SH3PXD2A: variants seen among roughly 807,000 people sequenced by gnomAD.
SH3PXD2A encodes SH3 and PX domains 2A, also known as SH3 and PX domain-containing protein 2A.
In SH3PXD2A, 32 loss-of-function variants were observed where a neutral mutation model predicts 115.2. The ratio of observed to expected loss-of-function variants is 0.28; its 90% confidence interval spans 0.21 to 0.37. The LOEUF (loss-of-function observed/expected upper bound fraction) is 0.37, where lower values mean the gene tolerates loss of function less well. SH3PXD2A is among the 10% of genes least tolerant of loss of function. The pLI is 1.00. For missense variants in SH3PXD2A, 1,328 were observed against 1,498.7 expected (o/e 0.89, Z 1.88); for synonymous variants, 610 against 629.1 (o/e 0.97, Z 0.45).
chr10:103,657,931 A>G (rs2037234682), intron 8 of SH3PXD2A, among the ~76,000 whole-genome samples: 1 of 152,158 alleles, frequency 6.6e-6, no homozygotes, highest in Admixed American at 6.5e-5. Context: ...GGATGGGCCC[A>G]TTCTCAGCCT....
At chr10:103,688,502 C>G (rs1165602524) in intron 6 of SH3PXD2A, among the ~76,000 whole-genome samples, 2 of 152,160 alleles carry the variant, frequency 1.3e-5, no homozygotes, top group Non-Finnish European at 2.9e-5. Flanking sequence ...CTGGACAGTG[C>G]AGGATCAGGC....
At chr10:103,854,506 G>A (rs950475699) in intron 1 of SH3PXD2A, among the ~76,000 whole-genome samples, 4 of 152,028 alleles carry the variant, frequency 2.6e-5, no homozygotes, top group African/African-American at 9.7e-5. Flanking sequence ...GCGGTTCCTC[G>A]GAGACCACAG....
At chr10:103,709,127 T>C (rs1171805943) in intron 5 of SH3PXD2A, among the ~76,000 whole-genome samples, 1 of 152,044 alleles carries the variant, frequency 6.6e-6, no homozygotes, top group African/African-American at 2.4e-5. Flanking sequence ...CCCTTCTCCC[T>C]GTCCATCAGC....
Position 103,828,491 on chromosome 10 carries a change from G to A in SH3PXD2A, c.72+26704C>T, listed in dbSNP as rs375027501. Among the ~76,000 whole-genome samples the A allele has an allele frequency of 1.9e-4, 29 of 152,178 alleles. 1 individual carries two copies. Among genetic ancestry groups the A allele is most frequent in the African/African-American group, 6.8e-4 (28 of 41,448 alleles). ...TTAATTAAAACAAGTTGACTCCTGG[G>A]TCTCCTTCCATGAAAGTCAGGCTGC... On this transcript the variant is annotated intron_variant, in intron 1 of 14. Transcript: ENST00000369774.
chr10:103,849,278 C>T (rs1040371156), intron 1 of SH3PXD2A, among the ~76,000 whole-genome samples: 2 of 152,238 alleles, frequency 1.3e-5, no homozygotes, highest in East Asian at 1.9e-4. Context: ...TAGAATGATA[C>T]GAACCCTCCG....
intron 8 of SH3PXD2A, among the ~76,000 whole-genome samples, chr10:103,633,433 C>CA (rs1489850202): frequency 1.6e-4 from 24 of 150,884 alleles, no homozygotes; most frequent in Non-Finnish European, 1.5e-5. Flanking sequence ...AAAACAAAAA[C>CA]AAAAAAACGC....
chr10:103,700,419 G>A (rs1432770047), intron 5 of SH3PXD2A, among the ~76,000 whole-genome samples: 1 of 152,166 alleles, frequency 6.6e-6, no homozygotes, highest in African/African-American at 2.4e-5. Flanking sequence ...CTAGGAGTGT[G>A]GATGGTGGCC....
chr10:103,628,647 C>T (rs372864989), intron 8 of SH3PXD2A, among the ~76,000 whole-genome samples: 8 of 152,100 alleles, frequency 5.3e-5, no homozygotes, highest in African/African-American at 9.7e-5. Context: ...GGAGAACCCC[C>T]GGTCAGGCCC....
At chr10:103,636,828 GC>G (rs1432586073) in intron 8 of SH3PXD2A, among the ~76,000 whole-genome samples, 1 of 152,070 alleles carries the variant, frequency 6.6e-6, no homozygotes, top group Non-Finnish European at 1.5e-5. Context: ...AAACCTCCCA[GC>G]CCTGTTCAGC....
At chr10:103,626,123 G>A (rs571089415) in intron 9 of SH3PXD2A, among the ~76,000 whole-genome samples, 26 of 152,392 alleles carry the variant, frequency 1.7e-4, no homozygotes, top group African/African-American at 6.3e-4. Flanking sequence ...CACAGTGGAA[G>A]CACATGGCAG....
chr10:103,687,161 G>T (rs557179933), intron 6 of SH3PXD2A, among the ~76,000 whole-genome samples: 5 of 152,196 alleles, frequency 3.3e-5, no homozygotes, highest in Non-Finnish European at 7.4e-5. Context: ...CTTCAGCAGA[G>T]TGAAGGTTTC....
At chr10:103,767,816 T>TTTG (rs1564884182) in intron 2 of SH3PXD2A, among the ~76,000 whole-genome samples, 4 of 148,376 alleles carry the variant, frequency 2.7e-5, no homozygotes, top group African/African-American at 7.5e-5. Flanking sequence ...TTTTGTTTTT[T>TTTG]TTTTTTTTTT....
chr10:103,770,170 T>A (rs906538715), intron 2 of SH3PXD2A, among the ~76,000 whole-genome samples: 3 of 152,230 alleles, frequency 2.0e-5, no homozygotes, highest in African/African-American at 7.2e-5. Context: ...TCACACTATA[T>A]AATGAACATT....
chr10:103,615,503 T>TGTGTGTGTGC (rs2036502212), intron 11 of SH3PXD2A, among the ~76,000 whole-genome samples: 1 of 91,142 alleles, frequency 1.1e-5, no homozygotes, highest in African/African-American at 3.0e-5. Context: ...TGTGTGTGTG[T>TGTGTGTGTGC]GTGTGTGTGT....
In SH3PXD2A at chr10:103,665,896, G is replaced by C. The variant is rs1390880497; in HGVS notation, c.472+2712C>G. On this transcript the variant is annotated intron_variant, in intron 7 of 14. Transcript: ENST00000369774. This position sits in a 1 kb window ranked among gnomAD's most constrained non-coding sequence, Gnocchi z 4.0. Reference sequence around the variant, plus strand: ...AGCAGAGCCTCTCCTGGGTTGGAAGGGGCCTTTGCATGAGTCTGATCCAGA... The same window carrying C: ...AGCAGAGCCTCTCCTGGGTTGGAAGCGGCCTTTGCATGAGTCTGATCCAGA... Among the ~76,000 whole-genome samples the C allele has an allele frequency of 6.6e-6, 1 of 152,126 alleles. No individual in the cohort carries two copies. Among genetic ancestry groups the C allele is most frequent in the South Asian group, 2.1e-4 (1 of 4,828 alleles).
intron 9 of SH3PXD2A, among the ~76,000 whole-genome samples, chr10:103,623,117 G>C (rs1048578219): frequency 6.6e-5 from 10 of 152,208 alleles, no homozygotes; most frequent in Non-Finnish European, 1.3e-4. Flanking sequence ...ACCCTTCCCT[G>C]TGTCTCTGCA....
At chr10:103,612,775 C>T (rs887947410) in intron 12 of SH3PXD2A, 78 bp downstream of exon 12, 4 of 1,022,066 alleles carry the variant, frequency 3.9e-6, no homozygotes, top group Non-Finnish European at 5.7e-6. Flanking sequence ...CCTGTGCACC[C>T]CCCTGGCTTT....
chr10:103,623,031 G>C (rs977719402), intron 9 of SH3PXD2A, among the ~76,000 whole-genome samples: 1 of 152,198 alleles, frequency 6.6e-6, no homozygotes, highest in East Asian at 1.9e-4. Context: ...CAGGCACCAT[G>C]CTTGGAAGAA....
At chr10:103,800,775 C>T (rs9943430) in intron 2 of SH3PXD2A, among the ~76,000 whole-genome samples, 19,513 of 152,170 alleles carry the variant, frequency 0.13, 1,461 homozygotes, top group Non-Finnish European at 0.16. Context: ...ACACCTACCA[C>T]GTACATGTAC....
Sources: gnomAD v4.1 joint callset for allele counts (sites outside exome capture counted in the v4.1 genomes callset) on GRCh38, gnomAD v4.1.1 for gene constraint, Gnocchi (gnomAD v3.1) non-coding constraint, MANE v1.5 for transcripts, NCBI Gene and HGNC (gene_info 2026-07-23, HGNC 2026-07-21) for gene names.